Variants in GUCY1A2 observed in about 807,000 individuals in gnomAD.
GUCY1A2 encodes guanylate cyclase soluble subunit alpha-2.
In GUCY1A2, 27 loss-of-function variants were observed where a neutral mutation model predicts 63.5. The observed-to-expected ratio is 0.43, with a 90% confidence interval of 0.31 to 0.59. GUCY1A2 has a LOEUF of 0.59. GUCY1A2 is among the 20% of genes least tolerant of loss of function. GUCY1A2 has a pLI of 0.11. For missense variants in GUCY1A2, 768 were observed against 913.3 expected (o/e 0.84, Z 2.05); for synonymous variants, 364 against 343.5 (o/e 1.06, Z -0.66).
At chr11:106,835,551 T>C (rs1565304973) in intron 4 of GUCY1A2, among the ~76,000 whole-genome samples, 1 of 151,252 alleles carries the variant, frequency 6.6e-6, no homozygotes, top group Non-Finnish European at 1.5e-5. Context: ...CCTGAAGTAA[T>C]GAAAAATATG....
intron 3 of GUCY1A2, among the ~76,000 whole-genome samples, chr11:106,960,175 T>C (rs770106557): frequency 1.2e-4 from 19 of 152,226 alleles, no homozygotes; most frequent in Non-Finnish European, 2.4e-4. Context: ...TGTCTTTTTA[T>C]AGGAGCATTC....
At chr11:106,739,620 G>A (rs1043916652) in intron 6 of GUCY1A2, among the ~76,000 whole-genome samples, 1 of 152,182 alleles carries the variant, frequency 6.6e-6, no homozygotes, top group Non-Finnish European at 1.5e-5. Context: ...CACTGCCTGA[G>A]CTATAACCCT....
chr11:106,978,031 T>C (rs1861285314), intron 3 of GUCY1A2, among the ~76,000 whole-genome samples: 1 of 152,142 alleles, frequency 6.6e-6, no homozygotes, highest in Non-Finnish European at 1.5e-5. Flanking sequence ...TACGGCTGTA[T>C]AATTGGCTGC....
At chr11:106,832,352 C>A (rs1016797734) in intron 4 of GUCY1A2, among the ~76,000 whole-genome samples, 11 of 152,066 alleles carry the variant, frequency 7.2e-5, no homozygotes, top group Admixed American at 1.3e-4. Flanking sequence ...AAATGAAAAT[C>A]TCTAGGGCAA....
intron 4 of GUCY1A2, among the ~76,000 whole-genome samples, chr11:106,903,546 T>C (rs1222429171): frequency 6.6e-6 from 1 of 152,182 alleles, no homozygotes; most frequent in Non-Finnish European, 1.5e-5. Flanking sequence ...GTTGAATCTG[T>C]AGCTAACCAT....
intron 1 of GUCY1A2, among the ~76,000 whole-genome samples, chr11:107,005,822 T>C (rs2445096): frequency 0.43 from 65,190 of 151,924 alleles, 14,295 homozygotes; most frequent in Admixed American, 0.53. Context: ...AGTATAACCC[T>C]GAAATGTCAT....
At chr11:106,769,816 TA>T (rs1406387632) in intron 6 of GUCY1A2, among the ~76,000 whole-genome samples, 1 of 152,134 alleles carries the variant, frequency 6.6e-6, no homozygotes, top group Non-Finnish European at 1.5e-5. Context: ...TAATTTTATA[TA>T]ATGCCTATGT....
chr11:106,689,110 T>C (rs928576999), intron 7 of GUCY1A2, among the ~76,000 whole-genome samples: 2 of 152,060 alleles, frequency 1.3e-5, no homozygotes, highest in Non-Finnish European at 2.9e-5. Context: ...ACAAGAAGAA[T>C]AAAGGATGTG....
chr11:106,715,580 T>C (rs1410354719), intron 6 of GUCY1A2, among the ~76,000 whole-genome samples: 1 of 152,168 alleles, frequency 6.6e-6, no homozygotes, highest in Non-Finnish European at 1.5e-5. Flanking sequence ...ATATTCCAAT[T>C]GAAACTCAGA....
intron 3 of GUCY1A2, among the ~76,000 whole-genome samples, chr11:106,966,839 CAAATT>C (rs1410630868): frequency 2.0e-5 from 3 of 151,976 alleles, no homozygotes; most frequent in South Asian, 2.1e-4. Flanking sequence ...AATGTACTGA[CAAATT>C]AAGAGAAGTA....
chr11:106,718,276 A>G (rs1565268076), intron 6 of GUCY1A2, among the ~76,000 whole-genome samples: 1 of 144,802 alleles, frequency 6.9e-6, no homozygotes, highest in African/African-American at 2.5e-5. Flanking sequence ...TGTATAAAAT[A>G]AAACACGGTA....
At chr11:106,750,832 G>A (rs576586752) in intron 6 of GUCY1A2, among the ~76,000 whole-genome samples, 5 of 150,480 alleles carry the variant, frequency 3.3e-5, no homozygotes, top group African/African-American at 4.9e-5. Flanking sequence ...TTTCTCTTGC[G>A]AAATCTTTTC....
At chr11:106,972,823 C>A (rs1300296250) in intron 3 of GUCY1A2, among the ~76,000 whole-genome samples, 5 of 151,958 alleles carry the variant, frequency 3.3e-5, no homozygotes, top group Admixed American at 6.6e-5. Context: ...TTTTTCAGGG[C>A]AGTTGTGGGA....
At chr11:106,884,805 G>A (rs1044225416) in intron 4 of GUCY1A2, among the ~76,000 whole-genome samples, 2 of 152,046 alleles carry the variant, frequency 1.3e-5, no homozygotes, top group African/African-American at 4.8e-5. Context: ...TCATATCAGA[G>A]TACCTTGTTT....
intron 5 of GUCY1A2, among the ~76,000 whole-genome samples, chr11:106,790,442 C>T (rs1864638007): frequency 6.6e-6 from 1 of 152,150 alleles, no homozygotes; most frequent in Non-Finnish European, 1.5e-5. Context: ...AAGAGCAAGG[C>T]CTAGAATCAG....
intron 6 of GUCY1A2, among the ~76,000 whole-genome samples, chr11:106,716,888 G>A (rs1003803441): frequency 6.6e-6 from 1 of 151,696 alleles, no homozygotes; most frequent in Non-Finnish European, 1.5e-5. Context: ...ACACGGTACA[G>A]CGTTCTAGTG....
Position 106,720,424 on chromosome 11 carries a change from G to C in GUCY1A2, c.1837-11758C>G, listed in dbSNP as rs147348102. Among the ~76,000 whole-genome samples the C allele has an allele frequency of 2.4e-3, 370 of 152,242 alleles. 2 individuals carry two copies. The highest frequency in any genetic ancestry group is 8.6e-3 in the African/African-American group (358 of 41,530). ...ATGCCAAAAGATGTGTTAGCTTTTT[G>C]GAAGGTGTCATAGGCTTTGGAATCT... On this transcript the variant is annotated intron_variant, in intron 6 of 7. Coordinates refer to ENST00000526355, the MANE Select transcript of GUCY1A2 (RefSeq NM_000855.3).
intron 6 of GUCY1A2, among the ~76,000 whole-genome samples, chr11:106,754,155 T>C (rs1048477331): frequency 6.6e-6 from 1 of 150,402 alleles, no homozygotes; most frequent in Non-Finnish European, 1.5e-5. Flanking sequence ...GGCTCTCTGT[T>C]TGTCTATTAT....
intron 4 of GUCY1A2, among the ~76,000 whole-genome samples, chr11:106,863,502 C>G (rs568917509): frequency 1.3e-5 from 2 of 152,092 alleles, no homozygotes; most frequent in Non-Finnish European, 2.9e-5. Context: ...GTCTATATAT[C>G]TGTTTTGGTA....
Sources: allele counts gnomAD v4.1 joint callset (sites outside exome capture counted in the v4.1 genomes callset), GRCh38; gene constraint gnomAD v4.1.1; transcripts MANE v1.5; gene names NCBI Gene and HGNC (gene_info 2026-07-23, HGNC 2026-07-21).